The following AGMO variants were observed in gnomAD, a reference collection of about 807,000 sequenced individuals.
The protein encoded by AGMO is alkylglycerol monooxygenase, also known as glyceryl-ether monooxygenase.
AGMO carries 75 observed loss-of-function variants against 60.2 expected under a neutral mutation model. The ratio of observed to expected loss-of-function variants is 1.25; its 90% CI spans 1.03 to 1.51. The LOEUF (loss-of-function observed/expected upper bound fraction) is 1.51. Among genes scored for constraint, AGMO ranks in the 40% most tolerant of loss-of-function variants. AGMO has a pLI of 0.00. For missense variants in AGMO, 763 were observed against 525.5 expected (o/e 1.45, Z -4.42); for synonymous variants, 261 against 177.1 (o/e 1.47, Z -3.76).
chr7:15,305,455 C>T (rs1563077966), intron 12 of AGMO, among the ~76,000 whole-genome samples: 1 of 151,966 alleles, frequency 6.6e-6, no homozygotes, highest in Admixed American at 6.6e-5. Context: ...CAAAGTTCAA[C>T]ATGTTGCATC....
At chr7:15,130,384 A>G in the AGMO span, among the ~76,000 whole-genome samples, 80 of 152,160 alleles carry the variant, frequency 5.3e-4, no homozygotes, top group Admixed American at 2.8e-3. Flanking sequence ...AGAACTAAAA[A>G]TAATTTTCCA....
chr7:15,362,908 G>T (rs1405965666), intron 12 of AGMO, among the ~76,000 whole-genome samples: 1 of 152,142 alleles, frequency 6.6e-6, no homozygotes, highest in Non-Finnish European at 1.5e-5. Flanking sequence ...AATGTACCTT[G>T]ATCATTAAGA....
chr7:15,350,659 C>T (rs938185499), intron 12 of AGMO, among the ~76,000 whole-genome samples: 5 of 152,154 alleles, frequency 3.3e-5, no homozygotes, highest in Middle Eastern at 3.4e-3. Flanking sequence ...TAGATCTGAA[C>T]GCATTTAGGG....
intron 6 of AGMO, among the ~76,000 whole-genome samples, chr7:15,392,171 G>A (rs1401145366): frequency 1.3e-5 from 2 of 151,922 alleles, no homozygotes; most frequent in South Asian, 2.1e-4. Context: ...CCGGGTTCAC[G>A]CCATTCTCCT....
chr7:15,207,677 G>C (rs111619179), intron 12 of AGMO, among the ~76,000 whole-genome samples: 1 of 152,360 alleles, frequency 6.6e-6, no homozygotes, highest in African/African-American at 2.4e-5. Context: ...GCTCACGCCT[G>C]TAATCCCAAC....
At chr7:15,246,746 C>A (rs73056478) in intron 12 of AGMO, among the ~76,000 whole-genome samples, 6,098 of 152,206 alleles carry the variant, frequency 0.04, 208 homozygotes, top group South Asian at 0.09. Flanking sequence ...TACCTTTAAA[C>A]AGGCCTAAGA....
chr7:15,407,228 A>AATGCATATATATATATATATATATATAT (rs1562491950), intron 5 of AGMO, among the ~76,000 whole-genome samples: 1 of 72,434 alleles, frequency 1.4e-5, no homozygotes, highest in Non-Finnish European at 3.3e-5. Flanking sequence ...CTTTCTTTGG[A>AATGCATATATATATATATATATATATAT]ATACATATAT....
chr7:15,363,831 C>G (rs112193343), intron 12 of AGMO, among the ~76,000 whole-genome samples: 5 of 151,976 alleles, frequency 3.3e-5, no homozygotes, highest in African/African-American at 1.2e-4. Flanking sequence ...CACCATAAAC[C>G]TAAGAGTACT....
intron 4 of AGMO, among the ~76,000 whole-genome samples, chr7:15,422,696 C>G (rs185169815): frequency 5.3e-5 from 8 of 152,220 alleles, no homozygotes; most frequent in Non-Finnish European, 1.0e-4. Flanking sequence ...AGTCTCATGT[C>G]CATGGCTTGG....
chr7:15,516,574 T>A (rs751022854), intron 3 of AGMO, among the ~76,000 whole-genome samples: 10 of 152,232 alleles, frequency 6.6e-5, no homozygotes, highest in Non-Finnish European at 1.0e-4. Flanking sequence ...ATGTGTTTAC[T>A]ATTTACAACT....
chr7:15,238,868 C>T (rs1782504466), intron 12 of AGMO, among the ~76,000 whole-genome samples: 1 of 152,114 alleles, frequency 6.6e-6, no homozygotes, highest in East Asian at 1.9e-4. Context: ...ACTAGGAAAA[C>T]ATAACTTTTA....
chr7:15,155,842 T>G, the AGMO span, among the ~76,000 whole-genome samples: 3 of 152,298 alleles, frequency 2.0e-5, no homozygotes, highest in African/African-American at 7.2e-5. Context: ...CTTGAGGGTT[T>G]GAGTGTGGAA....
chr7:15,555,550 C>G (rs1429579008), intron 2 of AGMO, among the ~76,000 whole-genome samples: 1 of 151,836 alleles, frequency 6.6e-6, no homozygotes, highest in Non-Finnish European at 1.5e-5. Flanking sequence ...ATGCGTACTA[C>G]TAGTTATTAT....
the AGMO span, among the ~76,000 whole-genome samples, chr7:15,179,846 G>A: frequency 1.3e-5 from 2 of 152,100 alleles, no homozygotes; most frequent in Non-Finnish European, 2.9e-5. Flanking sequence ...GGTAGACACT[G>A]CCATGGCTTT....
chr7:15,157,537 T>A, the AGMO span, among the ~76,000 whole-genome samples: 1 of 152,212 alleles, frequency 6.6e-6, no homozygotes, highest in South Asian at 2.1e-4. Context: ...AGGCTGCAGG[T>A]CCTGGTGATA....
intron 3 of AGMO, among the ~76,000 whole-genome samples, chr7:15,525,251 C>G (rs1205640660): frequency 2.0e-5 from 3 of 152,018 alleles, no homozygotes; most frequent in African/African-American, 4.8e-5. Context: ...CCTGGTGAAA[C>G]CCGACTTTCA....
the AGMO span, among the ~76,000 whole-genome samples, chr7:15,126,498 G>A: frequency 6.6e-6 from 1 of 152,032 alleles, no homozygotes; most frequent in Non-Finnish European, 1.5e-5. Context: ...AAGTTCAAGT[G>A]ATCAAATCCA....
intron 12 of AGMO, among the ~76,000 whole-genome samples, chr7:15,354,504 A>ACACGTG (rs1451727408): frequency 0.018 from 631 of 35,590 alleles, 57 homozygotes; most frequent in African/African-American, 0.048. Flanking sequence ...GTGTATATAT[A>ACACGTG]TATATATATA....
chr7:15,307,859 A>G (rs1780660514), intron 12 of AGMO, among the ~76,000 whole-genome samples: 2 of 152,014 alleles, frequency 1.3e-5, no homozygotes, highest in Non-Finnish European at 2.9e-5. Flanking sequence ...ACTAAATAAG[A>G]CCCATACCTC....
Sources: gnomAD v4.1 joint callset for allele counts (sites outside exome capture counted in the v4.1 genomes callset) on GRCh38, gnomAD v4.1.1 for gene constraint, MANE v1.5 for transcripts, NCBI Gene and HGNC (gene_info 2026-07-23, HGNC 2026-07-21) for gene names.